The following YES1 variants were observed in gnomAD, a reference collection of about 807,000 sequenced individuals.
The protein encoded by YES1 is tyrosine-protein kinase Yes.
YES1 carries 39 observed loss-of-function variants against 70.4 expected under a neutral mutation model. That is an observed-to-expected ratio of 0.55 (90% CI 0.43 to 0.72). The LOEUF (loss-of-function observed/expected upper bound fraction) is 0.72, where lower values mean the gene tolerates loss of function less well. YES1 is among the 30% of genes least tolerant of loss of function. The pLI is 0.00. For missense variants in YES1, 495 were observed against 644.8 expected, an observed-to-expected ratio of 0.77 and a Z score of 2.52; for synonymous variants, 198 against 218.6, an observed-to-expected ratio of 0.91 and a Z score of 0.83.
intron 2 of YES1, among the ~76,000 whole-genome samples, chr18:753,374 T>G (rs2080366765): frequency 6.6e-6 from 1 of 152,206 alleles, no homozygotes; most frequent in Non-Finnish European, 1.5e-5. Context: ...CTACAATAGA[T>G]CTCTTGAACT....
chr18:781,284 AAAT>A (rs1170429060), intron 1 of YES1, among the ~76,000 whole-genome samples: 1 of 151,634 alleles, frequency 6.6e-6, no homozygotes. Flanking sequence ...AAAAAAAAAA[AAAT>A]AAGAGGGCCT....
intron 1 of YES1, among the ~76,000 whole-genome samples, chr18:758,786 C>T (rs1179138520): frequency 6.6e-6 from 1 of 152,172 alleles, no homozygotes; most frequent in African/African-American, 2.4e-5. Context: ...TGGCAATACA[C>T]TCCTTCAAAA....
chr18:737,964 C>T (rs1159701611), intron 9 of YES1: 1 of 151,966 alleles, frequency 6.6e-6, no homozygotes, highest in African/African-American at 2.4e-5. Flanking sequence ...AGCCATCTCG[C>T]ACAGCCTGGT....
At chr18:770,256 C>T (rs1487933955) in intron 1 of YES1, among the ~76,000 whole-genome samples, 10 of 143,820 alleles carry the variant, frequency 7.0e-5, no homozygotes, top group East Asian at 4.1e-4. Flanking sequence ...CCACTGCGCC[C>T]GGCCCTTTTA....
At chr18:766,824 T>G (rs1904933362) in intron 1 of YES1, among the ~76,000 whole-genome samples, 1 of 152,144 alleles carries the variant, frequency 6.6e-6, no homozygotes, top group South Asian at 2.1e-4. Context: ...ACAAGAATAT[T>G]TACTACTCTA....
intron 1 of YES1, among the ~76,000 whole-genome samples, chr18:789,839 T>C (rs1785227): frequency 0.99 from 150,965 of 152,156 alleles, 74,897 homozygotes; most frequent in Non-Finnish European, 1. Context: ...GCAGGCAGAT[T>C]GCCTGAGGTC....
intron 1 of YES1, among the ~76,000 whole-genome samples, chr18:790,906 AG>A (rs1479415249): frequency 2.0e-5 from 3 of 152,184 alleles, no homozygotes; most frequent in Admixed American, 2.0e-4. Context: ...ACTGTTACCG[AG>A]GTTTCTCAGA....
At chr18:724,724 T>C in intron 11 of YES1, 92 bp from the exon 12 acceptor site, 4 of 936,518 alleles carry the variant, frequency 4.3e-6, no homozygotes, top group Non-Finnish European at 6.5e-6. Context: ...TCATTCAAAG[T>C]ATATTATTTA....
intron 10 of YES1, 173 bp downstream of exon 10, chr18:736,635 G>A: frequency 2.4e-6 from 2 of 819,082 alleles, no homozygotes; most frequent in Middle Eastern, 3.9e-4. Context: ...TTTCTTGGAG[G>A]AAATAACTAT....
intron 2 of YES1, among the ~76,000 whole-genome samples, chr18:754,989 A>T (rs2080386995): frequency 6.6e-6 from 1 of 152,220 alleles, no homozygotes; most frequent in Admixed American, 6.5e-5. Context: ...CCCCTAATAG[A>T]ATATTTCATA....
At chr18:800,577 T>C (rs1906768302) in intron 1 of YES1, among the ~76,000 whole-genome samples, 1 of 152,184 alleles carries the variant, frequency 6.6e-6, no homozygotes, top group Admixed American at 6.5e-5. Flanking sequence ...GGACAAAGGG[T>C]ACATTCTTAG....
At chr18:782,540 G>A (rs1020420402) in intron 1 of YES1, among the ~76,000 whole-genome samples, 1 of 152,090 alleles carries the variant, frequency 6.6e-6, no homozygotes, top group East Asian at 1.9e-4. Flanking sequence ...CATTTCAAGA[G>A]AATTGTTTTA....
chr18:798,910 G>A (rs1364006924), intron 1 of YES1, among the ~76,000 whole-genome samples: 4 of 152,104 alleles, frequency 2.6e-5, no homozygotes, highest in African/African-American at 4.8e-5. Context: ...TATCGTCAAA[G>A]GTTCTTTCTA....
chr18:727,138 A>C (rs2080030515), intron 11 of YES1, among the ~76,000 whole-genome samples: 1 of 152,158 alleles, frequency 6.6e-6, no homozygotes, highest in Non-Finnish European at 1.5e-5. Context: ...CTGATCATAT[A>C]AATTTTTATG....
At chr18:755,774 G>A (rs1325476554) in intron 2 of YES1, among the ~76,000 whole-genome samples, 1 of 152,110 alleles carries the variant, frequency 6.6e-6, no homozygotes, top group Admixed American at 6.5e-5. Flanking sequence ...ATGACACCAT[G>A]GAACTGCTCT....
chr18:754,711 C>G, intron 2 of YES1, among the ~76,000 whole-genome samples: 1 of 81,686 alleles, frequency 1.2e-5, no homozygotes, highest in East Asian at 3.7e-4. Context: ...GACTCCAACT[C>G]CAAAAAAAAA....
intron 8 of YES1, among the ~76,000 whole-genome samples, chr18:740,465 T>C (rs948597158): frequency 7.2e-5 from 11 of 152,144 alleles, no homozygotes; most frequent in Admixed American, 2.6e-4. Context: ...GGAGACTAAA[T>C]AGAAATGACA....
intron 1 of YES1, among the ~76,000 whole-genome samples, chr18:799,744 T>A (rs1263880158): frequency 6.8e-6 from 1 of 147,952 alleles, no homozygotes; most frequent in East Asian, 2.0e-4. Context: ...CAAATACAAA[T>A]ACAAAAATTA....
At chr18:807,486 A>C (rs1457879378) in intron 1 of YES1, among the ~76,000 whole-genome samples, 1 of 152,200 alleles carries the variant, frequency 6.6e-6, no homozygotes, top group Non-Finnish European at 1.5e-5. Flanking sequence ...GCAACAGAGC[A>C]AGATCCTGTC....
Sources: gnomAD v4.1 joint callset for allele counts (sites outside exome capture counted in the v4.1 genomes callset) on GRCh38, gnomAD v4.1.1 for gene constraint, MANE v1.5 for transcripts, NCBI Gene and HGNC (gene_info 2026-07-23, HGNC 2026-07-21) for gene names.